The following IPCEF1 variants were observed in gnomAD, a reference collection of about 807,000 sequenced individuals.
IPCEF1 encodes interaction protein for cytohesin exchange factors 1.
In IPCEF1, 31 loss-of-function variants were observed where a neutral mutation model predicts 50.9. The observed-to-expected ratio is 0.61, with a 90% CI of 0.46 to 0.82. IPCEF1 has a LOEUF of 0.82. Among genes scored for constraint, IPCEF1 ranks in the 40% least tolerant of loss-of-function variants. IPCEF1 has a pLI of 0.00. For synonymous variants in IPCEF1, 181 were observed against 192.0 expected (o/e 0.94, Z 0.47); for missense variants, 458 against 514.0 (o/e 0.89, Z 1.05).
intron 2 of IPCEF1, among the ~76,000 whole-genome samples, chr6:154,283,853 AC>A (rs1164827046): frequency 6.6e-6 from 1 of 152,206 alleles, no homozygotes; most frequent in Non-Finnish European, 1.5e-5. Context: ...CAAAATAAAC[AC>A]ATTTTAGACA....
intron 7 of IPCEF1, among the ~76,000 whole-genome samples, chr6:154,216,117 T>G (rs942631570): frequency 6.6e-6 from 1 of 152,094 alleles, no homozygotes; most frequent in African/African-American, 2.4e-5. Context: ...ACAATTCCAA[T>G]CATAAATATC....
chr6:154,349,041 T>C (rs1019591532), intron 1 of IPCEF1, among the ~76,000 whole-genome samples: 1 of 152,212 alleles, frequency 6.6e-6, no homozygotes, highest in African/African-American at 2.4e-5. Context: ...TTGTATAAAG[T>C]ACAGCTTATC....
intron 5 of IPCEF1, among the ~76,000 whole-genome samples, chr6:154,243,392 G>A (rs145414617): frequency 1.2e-3 from 182 of 152,328 alleles, no homozygotes; most frequent in African/African-American, 4.0e-3. Flanking sequence ...AATGGCAGAT[G>A]AGCCTCTGGA....
intron 11 of IPCEF1, 22 bp from the exon 12 acceptor site, chr6:154,160,062 G>C (rs1467338912): frequency 3.2e-6 from 5 of 1,569,362 alleles, no homozygotes; most frequent in Non-Finnish European, 3.5e-6. Flanking sequence ...GAAAAAAAGG[G>C]GAAGGGGGTA....
intron 1 of IPCEF1, among the ~76,000 whole-genome samples, chr6:154,307,221 C>T (rs1782957891): frequency 6.6e-6 from 1 of 152,164 alleles, no homozygotes; most frequent in Non-Finnish European, 1.5e-5. Context: ...CCCGGTGGGA[C>T]ATGACTGAAT....
rs1267505743 is a variant in IPCEF1 at position 154,157,216 on chromosome 6, C to G, written c.*2612G>C. 3 of 152,316 alleles carry G rather than the reference C, an allele frequency of 2.0e-5. No homozygotes were observed. The South Asian group carries it at 6.2e-4, about 31-fold the overall frequency. The allele number at this position is 152,316 out of a possible 1,614,324, so 9.4% of individuals were successfully genotyped here. A position where few individuals can be genotyped will look rare whatever the true frequency, so the allele number is the denominator to read the frequency against. On this transcript the variant is annotated 3_prime_UTR_variant, in exon 12 of 12. Coordinates refer to ENST00000367220, the MANE Select transcript of IPCEF1 (RefSeq NM_001130700.2). ...TCACGGAAAGTGTCACCCACTCTCC[C>G]TCTCACTCCTGTCTATCCCCCCACC...
intron 2 of IPCEF1, among the ~76,000 whole-genome samples, chr6:154,280,015 A>T (rs1359850873): frequency 1.3e-5 from 2 of 152,220 alleles, no homozygotes; most frequent in African/African-American, 4.8e-5. Context: ...ACATAATTAA[A>T]CAGCCACCAA....
At position 154,158,343 on chromosome 6, in the gene IPCEF1, A is replaced by G. The variant is rs1374029239; in HGVS notation, c.*1485T>C. ...AATATTCATGGTGATTAGTAAGGGA[A>G]GACTTTCATATTGTTTCTCTATAGC... On this transcript the variant is annotated 3_prime_UTR_variant, in exon 12 of 12. Transcript: ENST00000367220. 1 of 152,202 alleles carries G rather than the reference A, an allele frequency of 6.6e-6. No homozygotes were observed. The highest frequency in any genetic ancestry group is 1.5e-5 in the Non-Finnish European group (1 of 68,034). The allele number at this position is 152,202 out of a possible 1,614,324, so 9.4% of individuals were successfully genotyped here.
At chr6:154,316,245 C>T in intron 1 of IPCEF1, among the ~76,000 whole-genome samples, 1 of 152,166 alleles carries the variant, frequency 6.6e-6, no homozygotes, top group Middle Eastern at 3.2e-3. Context: ...CATAGGGAAG[C>T]ACATTTTTTT....
chr6:154,242,493 C>A (rs1780675485), intron 5 of IPCEF1, among the ~76,000 whole-genome samples: 1 of 152,100 alleles, frequency 6.6e-6, no homozygotes, highest in South Asian at 2.1e-4. Context: ...GAGTAAGTTG[C>A]TGAAGATATA....
intron 2 of IPCEF1, among the ~76,000 whole-genome samples, chr6:154,284,324 G>A (rs1421426256): frequency 6.6e-6 from 1 of 152,158 alleles, no homozygotes; most frequent in African/African-American, 2.4e-5. Context: ...AGAAAGGAAG[G>A]GTGTTGTATA....
At chr6:154,176,141 C>G (rs1354370521) in intron 10 of IPCEF1, among the ~76,000 whole-genome samples, 1 of 152,168 alleles carries the variant, frequency 6.6e-6, no homozygotes, top group Non-Finnish European at 1.5e-5. Flanking sequence ...GCTAAAAACT[C>G]TCAATAAACT....
intron 5 of IPCEF1, among the ~76,000 whole-genome samples, chr6:154,229,676 A>G (rs1269636450): frequency 6.6e-6 from 1 of 152,196 alleles, no homozygotes; most frequent in Non-Finnish European, 1.5e-5. Flanking sequence ...TTCTAAAAAA[A>G]GTAAGCATAT....
chr6:154,176,494 T>C (rs997374586), intron 10 of IPCEF1, among the ~76,000 whole-genome samples: 1 of 152,124 alleles, frequency 6.6e-6, no homozygotes, highest in African/African-American at 2.4e-5. Context: ...ACAAAATCAA[T>C]GTGCAAAAAT....
intron 9 of IPCEF1, among the ~76,000 whole-genome samples, chr6:154,210,009 T>A (rs1777838993): frequency 6.6e-6 from 1 of 152,200 alleles, no homozygotes; most frequent in Admixed American, 6.5e-5. Context: ...GCTTCATGAG[T>A]ATCCCTTCAT....
intron 10 of IPCEF1, among the ~76,000 whole-genome samples, chr6:154,170,822 A>G (rs1799812778): frequency 6.6e-6 from 1 of 152,120 alleles, no homozygotes; most frequent in African/African-American, 2.4e-5. Flanking sequence ...ATAAATTGGA[A>G]CCCTCATACA....
In IPCEF1 at chr6:154,331,405, A is replaced by AAGAAAGAAAGAAAG. The variant is rs60403800; in HGVS notation, c.-62+25266_-62+25267insCTTTCTTTCTTTCT. ...AAAGAAAGAAAGAAAGAAAGAAAGA[A>AAGAAAGAAAGAAAG]AGAGAGAGAAAAAGAAAGAGAGAGA... On this transcript the variant is annotated intron_variant, in intron 1 of 11. Transcript: ENST00000367220. Among the ~76,000 whole-genome samples the AAGAAAGAAAGAAAG allele has an allele frequency of 3.3e-4, 31 of 93,010 alleles. 1 individual carries two copies. In the East Asian group the frequency reaches 5.6e-3, roughly 17 times the overall value. 61.0% of individuals were successfully genotyped at this position (93,010 alleles called of 152,430 possible).
chr6:154,307,809 A>G (rs1234503340), intron 1 of IPCEF1, among the ~76,000 whole-genome samples: 1 of 152,194 alleles, frequency 6.6e-6, no homozygotes, highest in Admixed American at 6.5e-5. Flanking sequence ...CTCATCAAAA[A>G]CAGAGTAAAA....
intron 11 of IPCEF1, among the ~76,000 whole-genome samples, chr6:154,161,716 T>C (rs1799033990): frequency 6.6e-6 from 1 of 152,172 alleles, no homozygotes; most frequent in Admixed American, 6.5e-5. Context: ...TTAAAGAAGA[T>C]GACAAGAAAC....
Sources: allele counts gnomAD v4.1 joint callset (sites outside exome capture counted in the v4.1 genomes callset), GRCh38; gene constraint gnomAD v4.1.1; transcripts MANE v1.5; gene names NCBI Gene and HGNC (gene_info 2026-07-23, HGNC 2026-07-21).